DNM3: variants seen among roughly 807,000 people sequenced by gnomAD.
DNM3 encodes the protein dynamin-3.
DNM3 carries 47 observed loss-of-function variants against 101.6 expected under a neutral mutation model. The ratio of observed to expected loss-of-function variants is 0.46; its 90% CI spans 0.37 to 0.59. DNM3 has a LOEUF of 0.59. Ranked by LOEUF, DNM3 falls within the 20% of genes least tolerant of loss-of-function variation. The pLI is 0.00. For missense variants in DNM3, 849 were observed against 1,085.7 expected (o/e 0.78, Z 3.06); for synonymous variants, 385 against 387.9 (o/e 0.99, Z 0.09).
At chr1:172,027,287 T>C (rs2048272802) in intron 4 of DNM3, among the ~76,000 whole-genome samples, 1 of 151,822 alleles carries the variant, frequency 6.6e-6, no homozygotes, top group African/African-American at 2.4e-5. Flanking sequence ...ATCACCCAAT[T>C]AAAAAACACA....
At position 172,340,125 on chromosome 1, in the gene DNM3, A is replaced by G. The variant is rs146591264; in HGVS notation, c.1893+16785A>G. 2.8e-3 allele frequency among the ~76,000 whole-genome samples: 425 copies of G among 152,256 alleles called. 2 individuals carry two copies. Among genetic ancestry groups the G allele is most frequent in the Admixed American group, 4.3e-3 (66 of 15,298 alleles). ...GTACTAGTTAAGGAGAGCCAAGGAG[A>G]GTCATAGTATTTAAGGAGAGAGGTG... On this transcript the variant is annotated intron_variant, in intron 17 of 20. Transcript: ENST00000627582.
At chr1:172,001,357 G>A (rs1367096265) in intron 4 of DNM3, among the ~76,000 whole-genome samples, 1 of 151,930 alleles carries the variant, frequency 6.6e-6, no homozygotes, top group East Asian at 1.9e-4. Flanking sequence ...CTATACCCTG[G>A]CTGAACCGTT....
intron 17 of DNM3, among the ~76,000 whole-genome samples, chr1:172,353,767 T>C (rs191602475): frequency 3.9e-5 from 6 of 152,282 alleles, no homozygotes; most frequent in South Asian, 2.1e-4. Context: ...ATCATGAAGC[T>C]GGTCTAAAGT....
intron 13 of DNM3, among the ~76,000 whole-genome samples, chr1:172,106,955 G>A (rs1045862970): frequency 7.2e-6 from 1 of 139,210 alleles, no homozygotes; most frequent in Non-Finnish European, 1.5e-5. Context: ...CCGCTTCCCG[G>A]GTTCACGCCA....
In DNM3 at chr1:172,328,459, A is replaced by G. The variant is rs560266427; in HGVS notation, c.1893+5119A>G. On this transcript the variant is annotated intron_variant, in intron 17 of 20. Coordinates refer to ENST00000627582, the MANE Select transcript of DNM3 (RefSeq NM_015569.5). Reference sequence around the variant, plus strand: ...CTATGCAGCCATAAAAAAGAATGAGATCATGTCCTTCACAGCAACATGGAT... The same window carrying G: ...CTATGCAGCCATAAAAAAGAATGAGGTCATGTCCTTCACAGCAACATGGAT... Among the ~76,000 whole-genome samples, 3 of 152,306 alleles carry G rather than the reference A, an allele frequency of 2.0e-5. No homozygotes were observed. In the East Asian group the frequency reaches 5.8e-4, roughly 29 times the overall value.
At chr1:172,019,638 T>A (rs1165072041) in intron 4 of DNM3, among the ~76,000 whole-genome samples, 1 of 150,504 alleles carries the variant, frequency 6.6e-6, no homozygotes, top group Non-Finnish European at 1.5e-5. Context: ...TTGGATATTC[T>A]GTTCTGTTTC....
intron 7 of DNM3, among the ~76,000 whole-genome samples, chr1:172,040,342 T>G (rs1201380208): frequency 6.6e-6 from 1 of 152,188 alleles, no homozygotes; most frequent in African/African-American, 2.4e-5. Context: ...CATCCATGAT[T>G]TTGATGGAAG....
intron 10 of DNM3, among the ~76,000 whole-genome samples, chr1:172,054,389 C>A (rs976540529): frequency 2.6e-5 from 4 of 152,172 alleles, no homozygotes; most frequent in African/African-American, 9.7e-5. Context: ...GACATCTCAA[C>A]TTTGAAATTA....
intron 17 of DNM3, among the ~76,000 whole-genome samples, chr1:172,355,887 G>A (rs572854278): frequency 6.6e-6 from 1 of 152,000 alleles, no homozygotes; most frequent in Non-Finnish European, 1.5e-5. Flanking sequence ...GATCTAGGAA[G>A]ACCACAGATA....
intron 12 of DNM3, among the ~76,000 whole-genome samples, chr1:172,082,888 C>A (rs2053260354): frequency 6.6e-6 from 1 of 152,152 alleles, no homozygotes; most frequent in African/African-American, 2.4e-5. Flanking sequence ...GATGTCCTAG[C>A]CAATTGTGTA....
chr1:171,968,231 CAG>C (rs1171943567), intron 2 of DNM3, among the ~76,000 whole-genome samples: 1 of 152,156 alleles, frequency 6.6e-6, no homozygotes, highest in African/African-American at 2.4e-5. Context: ...TCTGTGATGA[CAG>C]AAACTCAAAA....
intron 15 of DNM3, among the ~76,000 whole-genome samples, chr1:172,256,971 T>C (rs1403104778): frequency 6.6e-6 from 1 of 151,944 alleles, no homozygotes; most frequent in African/African-American, 2.4e-5. Context: ...TCTTATTGTT[T>C]TGTATCATTG....
intron 4 of DNM3, among the ~76,000 whole-genome samples, chr1:172,010,336 T>C (rs2047023082): frequency 6.6e-6 from 1 of 151,808 alleles, no homozygotes. Flanking sequence ...TACCAACTTG[T>C]ATTTCCTTCA....
intron 17 of DNM3, among the ~76,000 whole-genome samples, chr1:172,335,678 A>G (rs983306465): frequency 3.3e-5 from 5 of 152,190 alleles, no homozygotes; most frequent in African/African-American, 4.8e-5. Context: ...TCCTAATCAA[A>G]TTAACACAGA....
intron 13 of DNM3, among the ~76,000 whole-genome samples, chr1:172,130,644 T>TA (rs1398819080): frequency 6.6e-6 from 1 of 152,212 alleles, no homozygotes; most frequent in East Asian, 1.9e-4. Context: ...TTTATTATTT[T>TA]ATCTTTCTCC....
intron 15 of DNM3, among the ~76,000 whole-genome samples, chr1:172,282,247 A>C (rs2063518313): frequency 6.6e-6 from 1 of 152,158 alleles, no homozygotes; most frequent in Non-Finnish European, 1.5e-5. Flanking sequence ...TCAGTTAATT[A>C]CATCATCTGG....
At chr1:172,111,715 A>C (rs993639838) in intron 13 of DNM3, among the ~76,000 whole-genome samples, 1 of 152,232 alleles carries the variant, frequency 6.6e-6, no homozygotes. Flanking sequence ...TAAGTGCTAA[A>C]CTCAGATAGT....
At chr1:172,241,264 T>TGTGTGC (rs757221165) in intron 14 of DNM3, among the ~76,000 whole-genome samples, 15 of 151,422 alleles carry the variant, frequency 9.9e-5, no homozygotes, top group Non-Finnish European at 1.5e-4. Context: ...TGTGTGTGTG[T>TGTGTGC]GCACGTGTGT....
intron 13 of DNM3, among the ~76,000 whole-genome samples, chr1:172,119,263 A>T (rs2056141071): frequency 6.6e-6 from 1 of 152,036 alleles, no homozygotes; most frequent in African/African-American, 2.4e-5. Context: ...AAGTGCTAGG[A>T]TTACAGGTGT....
Sources: allele counts gnomAD v4.1 joint callset (sites outside exome capture counted in the v4.1 genomes callset), GRCh38; gene constraint gnomAD v4.1.1; transcripts MANE v1.5; gene names NCBI Gene and HGNC (gene_info 2026-07-23, HGNC 2026-07-21).